PDZRN4: variants seen among roughly 807,000 people sequenced by gnomAD.
PDZRN4 encodes the protein PDZ domain containing ring finger 4.
Under a neutral mutation model 99.0 loss-of-function variants are expected in PDZRN4, and 70 were observed. The observed-to-expected ratio is 0.71, with a 90% confidence interval of 0.58 to 0.86. The LOEUF is 0.86. PDZRN4 is among the 40% of genes least tolerant of loss of function. PDZRN4 has a pLI of 0.00. For synonymous variants in PDZRN4, 551 were observed against 501.6 expected (o/e 1.10, Z -1.32); for missense variants, 1,474 against 1,331.2 (o/e 1.11, Z -1.67).
chr12:41,233,702 A>G (rs1008807680), intron 3 of PDZRN4, among the ~76,000 whole-genome samples: 2 of 151,188 alleles, frequency 1.3e-5, no homozygotes, highest in African/African-American at 4.9e-5. Flanking sequence ...AAAACCAAAC[A>G]CCGCATGTTC....
At chr12:41,224,924 G>A (rs1254834775) in intron 3 of PDZRN4, among the ~76,000 whole-genome samples, 2 of 151,918 alleles carry the variant, frequency 1.3e-5, no homozygotes, top group East Asian at 1.9e-4. Context: ...CCCTAACACT[G>A]CCCCATCCTA....
chr12:41,551,749 C>T (rs1169211453), intron 5 of PDZRN4, among the ~76,000 whole-genome samples: 1 of 152,130 alleles, frequency 6.6e-6, no homozygotes, highest in Non-Finnish European at 1.5e-5. Context: ...GTCTTATATT[C>T]TACATCCAAT....
chr12:41,439,804 AT>A lies in PDZRN4; in HGVS notation c.844-66649del, dbSNP rs1348140436. On this transcript the variant is annotated intron_variant, in intron 3 of 9. Coordinates refer to ENST00000402685, the MANE Select transcript of PDZRN4 (RefSeq NM_001164595.2). ...GGTGAAAAATGAAGTATTAGCTTCC[AT>A]TTAACTGGCTTTTATTAGATAAGCT... 3.3e-5 allele frequency among the ~76,000 whole-genome samples: 5 copies of A among 152,334 alleles called. No individual in the cohort carries two copies. In the South Asian group the frequency reaches 1.0e-3, roughly 32 times the overall value.
At chr12:41,409,071 A>G (rs1952372549) in intron 3 of PDZRN4, among the ~76,000 whole-genome samples, 1 of 152,178 alleles carries the variant, frequency 6.6e-6, no homozygotes, top group African/African-American at 2.4e-5. Flanking sequence ...GAGATTGATT[A>G]TATTTCTAAA....
chr12:41,547,269 G>A (rs966911504), intron 5 of PDZRN4, among the ~76,000 whole-genome samples: 1 of 152,162 alleles, frequency 6.6e-6, no homozygotes, highest in African/African-American at 2.4e-5. Flanking sequence ...GCCCATTCTA[G>A]GAAAGGTTTC....
intron 3 of PDZRN4, among the ~76,000 whole-genome samples, chr12:41,289,663 A>G (rs1228334403): frequency 6.6e-6 from 1 of 152,168 alleles, no homozygotes; most frequent in Non-Finnish European, 1.5e-5. Flanking sequence ...GCATGCTTTC[A>G]CGCATTTCAA....
chr12:41,334,163 T>C (rs1215629694), intron 3 of PDZRN4, among the ~76,000 whole-genome samples: 1 of 152,114 alleles, frequency 6.6e-6, no homozygotes, highest in African/African-American at 2.4e-5. Context: ...TTTGAATCTC[T>C]GAGCTCCTAT....
intron 3 of PDZRN4, among the ~76,000 whole-genome samples, chr12:41,196,595 A>T (rs1264671358): frequency 3.3e-5 from 5 of 152,092 alleles, no homozygotes; most frequent in African/African-American, 9.7e-5. Flanking sequence ...TGACTTTAAT[A>T]TCTAGTTAAA....
intron 5 of PDZRN4, among the ~76,000 whole-genome samples, chr12:41,529,308 T>A (rs1938622082): frequency 6.6e-6 from 1 of 152,140 alleles, no homozygotes; most frequent in Admixed American, 6.5e-5. Flanking sequence ...TCATTCCCTT[T>A]ATAAGCTGAA....
At chr12:41,447,354 A>G (rs1020047703) in intron 3 of PDZRN4, among the ~76,000 whole-genome samples, 1 of 152,164 alleles carries the variant, frequency 6.6e-6, no homozygotes, top group African/African-American at 2.4e-5. Context: ...TTTTACTAAG[A>G]TGGCACATTG....
At position 41,573,485 on chromosome 12, in the gene PDZRN4, A is replaced by G; in HGVS notation, c.2706A>G (p.Thr902=). 6.2e-7 allele frequency: 1 copy of G among 1,614,014 alleles called. No individual in the cohort carries two copies. Among genetic ancestry groups the G allele is most frequent in the Non-Finnish European group, 8.5e-7 (1 of 1,179,990 alleles). ...KIRSDGTRYI[T]KRPVRDRILK... ...GGAGCGACGGGACACGGTACATCAC[A>G]AAGAGACCCGTGCGAGACCGAATCC... Residue 902 remains threonine (T), a synonymous_variant, in exon 10 of 10, where the codon ACA becomes ACG. Transcript: ENST00000402685.
Position 41,277,491 on chromosome 12 carries a change from A to G in PDZRN4, c.843+83303A>G, listed in dbSNP as rs147195661. Among the ~76,000 whole-genome samples the G allele has an allele frequency of 8.5e-5, 13 of 152,300 alleles. No homozygotes were observed. In the East Asian group the frequency reaches 1.9e-3, roughly 23 times the overall value. On this transcript the variant is annotated intron_variant, in intron 3 of 9. Coordinates refer to ENST00000402685, the MANE Select transcript of PDZRN4 (RefSeq NM_001164595.2). ...GCGTTGTGAACTCAGTTTATGCACC[A>G]GTGCAGATATGATGTCTATAAACAG...
intron 3 of PDZRN4, among the ~76,000 whole-genome samples, chr12:41,320,843 A>C (rs561051472): frequency 2.0e-5 from 3 of 152,340 alleles, no homozygotes; most frequent in African/African-American, 7.2e-5. Flanking sequence ...TTATAACTAT[A>C]AAAATTTCAA....
chr12:41,315,204 A>G (rs1951630585), intron 3 of PDZRN4, among the ~76,000 whole-genome samples: 2 of 152,208 alleles, frequency 1.3e-5, no homozygotes, highest in South Asian at 4.1e-4. Flanking sequence ...ATGACATTTT[A>G]TGAACTCTAC....
intron 3 of PDZRN4, among the ~76,000 whole-genome samples, chr12:41,294,059 T>G (rs1206727936): frequency 6.6e-6 from 1 of 152,096 alleles, no homozygotes; most frequent in Non-Finnish European, 1.5e-5. Context: ...TGTTGTGGGG[T>G]TTTTGTTTTT....
At chr12:41,529,716 G>A (rs1938627632) in intron 5 of PDZRN4, among the ~76,000 whole-genome samples, 1 of 152,070 alleles carries the variant, frequency 6.6e-6, no homozygotes, top group Non-Finnish European at 1.5e-5. Context: ...GTTTTTGTGG[G>A]AGTTCCTCAA....
At position 41,188,888 on chromosome 12, in the gene PDZRN4, G is replaced by A; in HGVS notation, c.433G>A (p.Ala145Thr). The A allele has an allele frequency of 9.1e-7, 1 of 1,097,350 alleles. No individual in the cohort carries two copies. Among genetic ancestry groups the A allele is most frequent in the Non-Finnish European group, 1.1e-6 (1 of 903,410 alleles). 68.0% of individuals were successfully genotyped at this position (1,097,350 alleles called of 1,614,324 possible). ...ACCCAGGGCTGGCCGGGGCGGGGGC[G>A]CGCGCGGGGGGCCGCCGGGCGGCCG... is the stretch of plus-strand genomic sequence containing the variant. The part of the protein sequence containing the change: ...PTPRAGRGGG[A>T]RGGPPGGRWG... Residue 145 changes from alanine to threonine, a missense_variant, in exon 1 of 10, where the codon GCG (alanine) becomes ACG (threonine). Ala to Thr is a moderately conservative substitution (Grantham distance 58). Coordinates refer to ENST00000402685, the MANE Select transcript of PDZRN4 (RefSeq NM_001164595.2).
chr12:41,270,310 TG>T (rs1382148916), intron 3 of PDZRN4, among the ~76,000 whole-genome samples: 29 of 141,128 alleles, frequency 2.1e-4, no homozygotes, highest in African/African-American at 7.8e-4. Context: ...TCTGTGTGTG[TG>T]GTGTGTGTGT....
In PDZRN4 at chr12:41,459,318, G is replaced by T. The variant is rs145025841; in HGVS notation, c.844-47138G>T. ...TTTCAGACCTGGTATATGATCCAAG[G>T]TGATGTAACAAATTTTAAAATGTGT... On this transcript the variant is annotated intron_variant, in intron 3 of 9. Transcript: ENST00000402685. Among the ~76,000 whole-genome samples the T allele has an allele frequency of 3.2e-3, 489 of 152,294 alleles. 4 individuals carry two copies. Among genetic ancestry groups the T allele is most frequent in the African/African-American group, 9.9e-3 (413 of 41,566 alleles).
Sources: gnomAD v4.1 joint callset for allele counts (sites outside exome capture counted in the v4.1 genomes callset) on GRCh38, gnomAD v4.1.1 for gene constraint, MANE v1.5 for transcripts, NCBI Gene and HGNC (gene_info 2026-07-23, HGNC 2026-07-21) for gene names.